SP100: variants seen among roughly 807,000 people sequenced by gnomAD.
SP100 encodes SP100 nuclear body protein.
SP100 carries 84 observed loss-of-function variants against 130.0 expected under a neutral mutation model. The ratio of observed to expected loss-of-function variants is 0.65; its 90% CI spans 0.54 to 0.77. SP100 has a LOEUF of 0.77. SP100 is among the 30% of genes least tolerant of loss of function. The probability of loss-of-function intolerance (pLI) is 0.00; values close to 1 mark genes in which losing one functional copy is unlikely to be tolerated. For synonymous variants in SP100, 331 were observed against 351.7 expected (o/e 0.94, Z 0.66); for missense variants, 978 against 1,052.2 (o/e 0.93, Z 0.97).
At chr2:230,539,086 C>T (rs919594947) in intron 24 of SP100, 181 bp from the exon 25 acceptor site, 3 of 425,604 alleles carry the variant, frequency 7.0e-6, no homozygotes, top group African/African-American at 5.9e-5. Context: ...TGGCCTGACA[C>T]ACAGCCACTA....
At chr2:230,462,016 T>TAA (rs544382011) in intron 9 of SP100, among the ~76,000 whole-genome samples, 1 of 140,570 alleles carries the variant, frequency 7.1e-6, no homozygotes, top group Non-Finnish European at 1.6e-5. Flanking sequence ...GGAGAGGAGT[T>TAA]AAAAAAAAAA....
chr2:230,444,161 A>T lies in SP100; in HGVS notation c.271-17A>T. 1 of 1,532,704 alleles carries T rather than the reference A, an allele frequency of 6.5e-7. No homozygotes were observed. Among genetic ancestry groups the T allele is most frequent in the Non-Finnish European group, 8.8e-7 (1 of 1,132,446 alleles). The allele number at this position is 1,532,704 out of a possible 1,614,324, so 94.9% of individuals were successfully genotyped here. ...GGAAGTCTTTATTTATATTTTCTCC[A>T]TTCAATATTTTTTAAGGATTCTCAA... On this transcript the variant is annotated splice_polypyrimidine_tract_variant and intron_variant, in intron 3 of 28. Coordinates refer to ENST00000340126, the MANE Select transcript of SP100 (RefSeq NM_001080391.2).
At chr2:230,484,886 T>C (rs1454420891) in intron 17 of SP100, among the ~76,000 whole-genome samples, 1 of 152,080 alleles carries the variant, frequency 6.6e-6, no homozygotes, top group Non-Finnish European at 1.5e-5. Context: ...TCAACTGGTG[T>C]CTTTTTTTCC....
intron 24 of SP100, among the ~76,000 whole-genome samples, chr2:230,529,503 C>T (rs1002263844): frequency 6.6e-6 from 1 of 152,160 alleles, no homozygotes. Flanking sequence ...GAAGCATTCC[C>T]TTTGAAAACC....
chr2:230,520,535 C>G (rs1483633676), intron 24 of SP100: 1 of 152,184 alleles, frequency 6.6e-6, no homozygotes, highest in Non-Finnish European at 1.5e-5. Context: ...CTCTGCAACC[C>G]CCAGCCAGGG....
At chr2:230,452,456 G>A (rs62193407) in intron 8 of SP100, among the ~76,000 whole-genome samples, 15,834 of 152,180 alleles carry the variant, frequency 0.1, 878 homozygotes, top group Admixed American at 0.11. Flanking sequence ...GATTACAGGC[G>A]TGAGCCACTG....
At chr2:230,450,492 T>C (rs182091474) in intron 8 of SP100, among the ~76,000 whole-genome samples, 1 of 152,356 alleles carries the variant, frequency 6.6e-6, no homozygotes, top group East Asian at 1.9e-4. Context: ...TTTGTGGTGA[T>C]AACACAAAAC....
At chr2:230,508,198 G>A (rs1690268014) in intron 23 of SP100, 167 bp downstream of exon 23, 3 of 1,152,096 alleles carry the variant, frequency 2.6e-6, no homozygotes, top group Non-Finnish European at 3.5e-6. Context: ...ATAAGTCCAG[G>A]GCTCCTTTGA....
chr2:230,490,508 T>C (rs2066338732), intron 17 of SP100, among the ~76,000 whole-genome samples: 1 of 152,224 alleles, frequency 6.6e-6, no homozygotes, highest in Non-Finnish European at 1.5e-5. Context: ...TTAGTATTGT[T>C]ATGTGTGAAT....
In SP100 at chr2:230,485,311, C is replaced by T. The variant is rs1438526540; in HGVS notation, c.1601-9105C>T. ...ACAGTCTTCCATAGCTTCTCATAGG[C>T]AATGTTTTTTATTATTGTCATTTGC... On this transcript the variant is annotated intron_variant, in intron 17 of 28. Coordinates refer to ENST00000340126, the MANE Select transcript of SP100 (RefSeq NM_001080391.2). Among the ~76,000 whole-genome samples, 3 of 151,932 alleles carry T rather than the reference C, an allele frequency of 2.0e-5. No homozygotes were observed. In the East Asian group the frequency reaches 5.8e-4, roughly 29 times the overall value.
At chr2:230,463,361 A>G (rs990118116) in intron 10 of SP100, among the ~76,000 whole-genome samples, 66 of 152,126 alleles carry the variant, frequency 4.3e-4, no homozygotes, top group African/African-American at 1.5e-3. Context: ...ACTTATCATA[A>G]CATAAGTATG....
intron 17 of SP100, among the ~76,000 whole-genome samples, chr2:230,492,727 T>TGAAAA (rs2066455359): frequency 6.6e-6 from 1 of 152,260 alleles, no homozygotes; most frequent in Non-Finnish European, 1.5e-5. Flanking sequence ...TTTTCAGTTC[T>TGAAAA]ACCTTAGTTT....
intron 18 of SP100, among the ~76,000 whole-genome samples, chr2:230,495,847 T>G (rs1043207648): frequency 2.6e-4 from 40 of 152,226 alleles, no homozygotes; most frequent in Admixed American, 1.3e-4. Context: ...ACTATAGAGA[T>G]AGTAGCACTT....
chr2:230,422,223 T>G (rs13006418), intron 2 of SP100, among the ~76,000 whole-genome samples: 36,616 of 152,064 alleles, frequency 0.24, 4,683 homozygotes, highest in Non-Finnish European at 0.29. Context: ...CTAATGAGGA[T>G]GAAAATTTTT....
At chr2:230,425,755 C>T (rs1471614261) in intron 2 of SP100, among the ~76,000 whole-genome samples, 1 of 151,200 alleles carries the variant, frequency 6.6e-6, no homozygotes, top group African/African-American at 2.4e-5. Context: ...GCTTAGGTAT[C>T]AAGGTAATGC....
chr2:230,524,638 T>A (rs556999474), intron 24 of SP100, among the ~76,000 whole-genome samples: 86 of 152,270 alleles, frequency 5.6e-4, no homozygotes, highest in Admixed American at 1.6e-3. Context: ...AATGGATAAG[T>A]GCTATAGATA....
At chr2:230,465,225 G>C (rs1575665418) in intron 11 of SP100, among the ~76,000 whole-genome samples, 1 of 151,436 alleles carries the variant, frequency 6.6e-6, no homozygotes, top group Non-Finnish European at 1.5e-5. Context: ...GACAGAGCAA[G>C]ACTCCATCTC....
In SP100 at chr2:230,445,426, A is replaced by G. The variant is rs185771953; in HGVS notation, c.439+1080A>G. Among the ~76,000 whole-genome samples, 10 of 152,362 alleles carry G rather than the reference A, an allele frequency of 6.6e-5. No individual in the cohort carries two copies. The East Asian group carries it at 1.9e-3, about 29-fold the overall frequency. On this transcript the variant is annotated intron_variant, in intron 4 of 28. Transcript: ENST00000340126. ...ATCTGAGAGTGAGAAGCAGTATACAAGTTGACTTAGATCAATTGGAGGAAG... is the reference window on the plus strand; with the variant it reads ...ATCTGAGAGTGAGAAGCAGTATACAGGTTGACTTAGATCAATTGGAGGAAG...
At chr2:230,446,212 G>A (rs1416482246) in intron 4 of SP100, among the ~76,000 whole-genome samples, 2 of 152,172 alleles carry the variant, frequency 1.3e-5, no homozygotes, top group Non-Finnish European at 2.9e-5. Flanking sequence ...GGGCTCTAGT[G>A]ATCCTCCCCC....
Sources: allele counts gnomAD v4.1 joint callset (sites outside exome capture counted in the v4.1 genomes callset), GRCh38; gene constraint gnomAD v4.1.1; transcripts MANE v1.5; gene names NCBI Gene and HGNC (gene_info 2026-07-23, HGNC 2026-07-21).